The following LGR5 variants were observed in gnomAD, a reference collection of about 807,000 sequenced individuals.
LGR5 encodes leucine-rich repeat-containing G protein-coupled receptor 5.
Under a neutral mutation model 76.7 loss-of-function variants are expected in LGR5, and 54 were observed. That is an observed-to-expected ratio of 0.70 (90% CI 0.57 to 0.88). The LOEUF (loss-of-function observed/expected upper bound fraction) is 0.88. Ranked by LOEUF, LGR5 falls within the 40% of genes least tolerant of loss-of-function variation. LGR5 has a pLI of 0.00. For missense variants in LGR5, 1,078 were observed against 1,073.3 expected (o/e 1.00, Z -0.06); for synonymous variants, 406 against 421.9 (o/e 0.96, Z 0.46).
Position 71,544,307 on chromosome 12 carries a change from C to CTTCTTCTTCTTTTTTTTTTTT in LGR5, c.429-8763_429-8743dup, listed in dbSNP as rs1565738937. 3.9e-4 allele frequency among the ~76,000 whole-genome samples: 9 copies of CTTCTTCTTCTTTTTTTTTTTT among 22,996 alleles called. No individual in the cohort carries two copies. In the East Asian group the frequency reaches 8.5e-3, roughly 22 times the overall value. The allele number at this position is 22,996 out of a possible 152,430, so 15.1% of individuals were successfully genotyped here. On this transcript the variant is annotated intron_variant, in intron 4 of 17. Coordinates refer to ENST00000266674, the MANE Select transcript of LGR5 (RefSeq NM_003667.4). Reference sequence around the variant, plus strand: ...TTTTTTTCTTCGTCTTTTTTTTTTTCTTCTTCTTCTTTTTTTTTTTTTTGT... The same window carrying CTTCTTCTTCTTTTTTTTTTTT: ...TTTTTTTCTTCGTCTTTTTTTTTTTCTTCTTCTTCTTTTTTTTTTTTTTCTTCTTCTTTTTTTTTTTTTTGT...
intron 4 of LGR5, among the ~76,000 whole-genome samples, chr12:71,547,105 C>T (rs1203509761): frequency 1.3e-5 from 2 of 152,170 alleles, no homozygotes; most frequent in Non-Finnish European, 2.9e-5. Context: ...ATACCATGAC[C>T]CTTCCTCATC....
At chr12:71,450,736 A>T (rs1449849939) in intron 1 of LGR5, among the ~76,000 whole-genome samples, 2 of 152,176 alleles carry the variant, frequency 1.3e-5, no homozygotes, top group Non-Finnish European at 2.9e-5. Flanking sequence ...GTGACATTGC[A>T]CTAGTCCAGG....
Position 71,566,832 on chromosome 12 carries a change from T to C in LGR5, c.999-9T>C. ...ATGAAAGAATTATGTCTGGTTTGTG[T>C]TTTAACAGGACTTTAACTGGAGCAC... is the stretch of plus-strand genomic sequence containing the variant. On this transcript the variant is annotated splice_polypyrimidine_tract_variant and intron_variant, in intron 10 of 17. Coordinates refer to ENST00000266674, the MANE Select transcript of LGR5 (RefSeq NM_003667.4). The C allele has an allele frequency of 1.2e-6, 2 of 1,612,580 alleles. No homozygotes were observed. The highest frequency in any genetic ancestry group is 1.7e-6 in the Non-Finnish European group (2 of 1,178,630).
intron 3 of LGR5, among the ~76,000 whole-genome samples, 198 bp from the exon 4 acceptor site, chr12:71,534,917 T>C (rs1178834851): frequency 6.6e-6 from 1 of 152,222 alleles, no homozygotes. Flanking sequence ...ATAGTACTTA[T>C]CACTTGTCTC....
intron 1 of LGR5, among the ~76,000 whole-genome samples, chr12:71,483,318 CTG>C (rs1873691127): frequency 6.6e-6 from 1 of 152,032 alleles, no homozygotes; most frequent in Non-Finnish European, 1.5e-5. Context: ...GACCCAAAAA[CTG>C]AGATCCAAAG....
intron 1 of LGR5, among the ~76,000 whole-genome samples, chr12:71,486,005 C>A (rs1466970755): frequency 6.6e-6 from 1 of 152,102 alleles, no homozygotes; most frequent in African/African-American, 2.4e-5. Context: ...ACCTTGTGAT[C>A]CGTCCACTTT....
At chr12:71,475,538 A>C (rs2137250450) in intron 1 of LGR5, among the ~76,000 whole-genome samples, 1 of 152,270 alleles carries the variant, frequency 6.6e-6, no homozygotes, top group African/African-American at 2.4e-5. Context: ...ACTTCCATTC[A>C]ACTATGCCAA....
chr12:71,582,732 AG>A, intron 17 of LGR5, 193 bp downstream of exon 17: 1 of 545,504 alleles, frequency 1.8e-6, no homozygotes, highest in Non-Finnish European at 3.3e-6. Flanking sequence ...AATAGGATTG[AG>A]GTGGGAGGAC....
rs1453009740 is a variant in LGR5, at chr12:71,578,823, C to T, written c.1300C>T (p.Leu434=). ...LIKLDLSSNL[L]SSFPITGLHG... The stretch of plus-strand genomic sequence containing the variant: ...TTGCAGGGACCTATCGTCCAACCTC[C>T]TGTCGTCTTTTCCTATAACTGGGTT... Residue 434 remains leucine, a synonymous_variant, in exon 15 of 18, where the codon CTG becomes TTG. Transcript: ENST00000266674. 2 of 1,610,220 alleles carry T rather than the reference C, an allele frequency of 1.2e-6. No homozygotes were observed. Among genetic ancestry groups the T allele is most frequent in the African/African-American group, 1.3e-5 (1 of 74,804 alleles).
At chr12:71,509,485 T>C (rs1460063066) in intron 2 of LGR5, among the ~76,000 whole-genome samples, 1 of 152,206 alleles carries the variant, frequency 6.6e-6, no homozygotes, top group African/African-American at 2.4e-5. Context: ...CGAGAAATCA[T>C]TGCATTTCCC....
chr12:71,451,320 T>C (rs1227564921), intron 1 of LGR5, among the ~76,000 whole-genome samples: 1 of 152,172 alleles, frequency 6.6e-6, no homozygotes, highest in African/African-American at 2.4e-5. Context: ...TCCAGTTAGG[T>C]TGCAGCTTAC....
intron 4 of LGR5, among the ~76,000 whole-genome samples, chr12:71,544,973 T>G (rs1877079663): frequency 6.6e-6 from 1 of 152,060 alleles, no homozygotes; most frequent in Non-Finnish European, 1.5e-5. Flanking sequence ...AACTTATTTT[T>G]TTAAAATGCT....
chr12:71,578,197 A>G (rs1018805430), intron 14 of LGR5, among the ~76,000 whole-genome samples: 1 of 152,190 alleles, frequency 6.6e-6, no homozygotes, highest in African/African-American at 2.4e-5. Context: ...ATAATTGAAG[A>G]TTTGGGTGAC....
chr12:71,575,746 G>T (rs1878822872), intron 13 of LGR5, among the ~76,000 whole-genome samples: 1 of 151,866 alleles, frequency 6.6e-6, no homozygotes, highest in Non-Finnish European at 1.5e-5. Flanking sequence ...GTGTGTGTGT[G>T]TGTGTGTGTG....
At chr12:71,521,046 C>T (rs1462420379) in intron 2 of LGR5, among the ~76,000 whole-genome samples, 1 of 152,194 alleles carries the variant, frequency 6.6e-6, no homozygotes, top group Admixed American at 6.5e-5. Flanking sequence ...AACATTTCTT[C>T]CCAACTTACA....
intron 13 of LGR5, among the ~76,000 whole-genome samples, chr12:71,574,890 C>T (rs1184941604): frequency 1.3e-5 from 2 of 152,224 alleles, no homozygotes; most frequent in African/African-American, 2.4e-5. Context: ...TTAGCACTGT[C>T]ATCAGGTAGA....
At chr12:71,500,914 T>C (rs1286382635) in intron 1 of LGR5, among the ~76,000 whole-genome samples, 1 of 152,236 alleles carries the variant, frequency 6.6e-6, no homozygotes, top group Non-Finnish European at 1.5e-5. Context: ...TGGTTTAACT[T>C]ATTTGACCAT....
chr12:71,508,443 C>T (rs1038524486), intron 2 of LGR5, among the ~76,000 whole-genome samples: 10 of 152,024 alleles, frequency 6.6e-5, no homozygotes, highest in African/African-American at 2.2e-4. Context: ...GAGATATACA[C>T]TGACTTAATG....
intron 13 of LGR5, among the ~76,000 whole-genome samples, chr12:71,575,562 T>G (rs1035615130): frequency 1.3e-5 from 2 of 151,990 alleles, no homozygotes. Flanking sequence ...TACAAAAAAA[T>G]TAGCTGGGCA....
Sources: allele counts gnomAD v4.1 joint callset (sites outside exome capture counted in the v4.1 genomes callset), GRCh38; gene constraint gnomAD v4.1.1; transcripts MANE v1.5; gene names NCBI Gene and HGNC (gene_info 2026-07-23, HGNC 2026-07-21).